Variants in DENND1C observed in about 807,000 individuals in gnomAD.
DENND1C encodes the protein DENN domain containing 1C, also known as DENN domain-containing protein 1C.
In DENND1C, 64 loss-of-function variants were observed where a neutral mutation model predicts 87.9. That is an observed-to-expected ratio of 0.73 (90% CI 0.60 to 0.90). DENND1C has a LOEUF of 0.90. Ranked by LOEUF, DENND1C falls within the 40% of genes least tolerant of loss-of-function variation. The probability of loss-of-function intolerance (pLI) is 0.00; values close to 1 mark genes in which losing one functional copy is unlikely to be tolerated. For synonymous variants in DENND1C, 384 were observed against 424.4 expected (o/e 0.90, Z 1.17); for missense variants, 980 against 1,037.0 (o/e 0.95, Z 0.76).
At chr19:6,473,019 C>G (rs1289188757) in intron 14 of DENND1C, 26 bp from the exon 15 acceptor site, 1 of 1,471,804 alleles carries the variant, frequency 6.8e-7, no homozygotes, top group Non-Finnish European at 9.0e-7. Flanking sequence ...GAGTTCTGAG[C>G]TCCCTGGGGT....
At position 6,471,276 on chromosome 19, in the gene DENND1C, C is replaced by T. The variant is rs371502122; in HGVS notation, c.1279G>A (p.Asp427Asn). 6.3e-5 allele frequency: 100 copies of T among 1,592,252 alleles called. No homozygotes were observed. The highest frequency in any genetic ancestry group is 1.6e-4 in the Admixed American group (9 of 56,166). Residue 427 changes from aspartate to asparagine, a missense_variant, in exon 17 of 23, where the codon GAC becomes AAC. Asp to Asn is a conservative substitution (Grantham distance 23). Transcript: ENST00000381480. ...TCTGGTGGTCTTACCTTTAGATTGT[C>T]GGCCCAGAGCTGATAGGATCGAAGG... ...GALRSYQLWA[D>N]NLKKGGGALL...
At chr19:6,479,519 G>T in intron 4 of DENND1C, 150 bp downstream of exon 4, 1 of 946,044 alleles carries the variant, frequency 1.1e-6, no homozygotes, top group Non-Finnish European at 1.6e-6. Flanking sequence ...TAGGTCCCTA[G>T]TTCTCAGGGC....
intron 18 of DENND1C, 192 bp from the exon 19 acceptor site, chr19:6,469,832 C>T (rs2092817941): frequency 1.7e-6 from 1 of 596,684 alleles, no homozygotes. Context: ...AATGAGTATT[C>T]CTGGAGGCAG....
intron 6 of DENND1C, 29 bp from the exon 7 acceptor site, chr19:6,477,487 G>T: frequency 6.3e-7 from 1 of 1,583,384 alleles, no homozygotes; most frequent in Non-Finnish European, 8.7e-7. Context: ...GGCGGGGGTG[G>T]CTGAGCCAGA....
At position 6,467,851 on chromosome 19, in the gene DENND1C, G is replaced by A. The variant is rs2092804399; in HGVS notation, c.2059C>T (p.His687Tyr). Residue 687 changes from histidine (H) to tyrosine (Y), a missense_variant, in exon 23 of 23, where the codon CAC becomes TAC. Physicochemically the swap from His to Tyr is moderately conservative, Grantham distance 83 (BLOSUM62 2). Transcript: ENST00000381480. Reference sequence around the variant, plus strand: ...GCTGTAGAATCTTCAGCTGCCTTGTGGGAAGGGGTGAGATGAAGAATTAGG... The same window carrying A: ...GCTGTAGAATCTTCAGCTGCCTTGTAGGAAGGGGTGAGATGAAGAATTAGG... ...EPLILHLTPS[H>Y]KAAEDSTAQE... is the part of the protein sequence containing the mutation. 1.3e-6 allele frequency: 2 copies of A among 1,590,908 alleles called. No homozygotes were observed. The highest frequency in any genetic ancestry group is 2.2e-5 in the East Asian group (1 of 44,674).
chr19:6,472,884 C>A lies in DENND1C; in HGVS notation c.1158+5G>T, dbSNP rs775380965. 17 of 1,539,466 alleles carry A rather than the reference C, an allele frequency of 1.1e-5. No homozygotes were observed. Among genetic ancestry groups the A allele is most frequent in the East Asian group, 2.4e-5 (1 of 42,020 alleles). On this transcript the variant is annotated splice_donor_5th_base_variant and intron_variant, in intron 15 of 22. Transcript: ENST00000381480. ...CCCAGCTGGACCCTCAGGGCTCTGG[C>A]ATACCTGTTTGAACAGCTGCAGGTG... is the stretch of plus-strand genomic sequence containing the variant.
intron 19 of DENND1C, 126 bp from the exon 20 acceptor site, chr19:6,469,079 T>G (rs1181018000): frequency 3.8e-6 from 2 of 533,050 alleles, no homozygotes; most frequent in Non-Finnish European, 6.0e-6. Context: ...TTGCCCAGGC[T>G]GGAGTGCAGT....
intron 6 of DENND1C, among the ~76,000 whole-genome samples, chr19:6,478,307 G>A (rs560897152): frequency 2.0e-5 from 3 of 152,070 alleles, no homozygotes; most frequent in Non-Finnish European, 4.4e-5. Context: ...GCAATGGCGC[G>A]ATCTCGGCTC....
intron 4 of DENND1C, among the ~76,000 whole-genome samples, chr19:6,479,431 G>GGTTCCTGA (rs927298402): frequency 7.0e-6 from 1 of 141,992 alleles, no homozygotes; most frequent in African/African-American, 3.0e-5. Context: ...TGAGTCCCTG[G>GGTTCCTGA]GTCCCTGGGT....
intron 1 of DENND1C, 44 bp downstream of exon 1, chr19:6,481,635 C>T (rs1913574407): frequency 6.2e-7 from 1 of 1,611,806 alleles, no homozygotes. Context: ...CAGGCCTGGC[C>T]CGGGAATCTT....
Position 6,475,579 on chromosome 19 carries a change from G to C in DENND1C, c.832C>G (p.Arg278Gly), listed in dbSNP as rs202052515. Reference sequence around the variant, plus strand: ...ACGACGTCCTCCAGGGCTTTTTCTCGTACTCTCTGCGGAAAAGCGGGGTCG... The same window carrying C: ...ACGACGTCCTCCAGGGCTTTTTCTCCTACTCTCTGCGGAAAAGCGGGGTCG... ...GVHASLAERV[R>G]EKALEDVVVL... Residue 278 changes from arginine (R) to glycine (G), a missense_variant, in exon 13 of 23, where the codon CGA becomes GGA. Coordinates refer to ENST00000381480, the MANE Select transcript of DENND1C (RefSeq NM_024898.4). 1.6e-4 allele frequency: 263 copies of C among 1,613,938 alleles called. No individual in the cohort carries two copies. Among genetic ancestry groups the C allele is most frequent in the Middle Eastern group, 8.2e-4 (5 of 6,062 alleles).
Position 6,472,949 on chromosome 19 carries a change from C to G in DENND1C, c.1098G>C (p.Lys366Asn). The G allele has an allele frequency of 6.3e-7, 1 of 1,590,166 alleles. No individual in the cohort carries two copies. Among genetic ancestry groups the G allele is most frequent in the Non-Finnish European group, 8.6e-7 (1 of 1,169,350 alleles). The change falls in exon 15 of 23, where the codon AAG becomes AAC. Residue 366 changes from lysine (K) to asparagine (N), a missense_variant. Coordinates refer to ENST00000381480, the MANE Select transcript of DENND1C (RefSeq NM_024898.4). The stretch of plus-strand genomic sequence containing the variant: ...GGAAGGCCTGCAGAGGTGCCCCAGG[C>G]TTCTGGGCCAAGAAGACTTCCTCAC... Reference protein sequence around the residue: ...TFSEEVFLAQKPGAPLQAFHR... With the variant: ...TFSEEVFLAQNPGAPLQAFHR...
At chr19:6,480,350 T>A in intron 1 of DENND1C, 1 of 1,325,974 alleles carries the variant, frequency 7.5e-7, no homozygotes, top group Non-Finnish European at 9.7e-7. Context: ...TGTGATCCTG[T>A]CTGCTGTCTG....
chr19:6,471,602 C>A, intron 15 of DENND1C, 106 bp from the exon 16 acceptor site: 1 of 992,988 alleles, frequency 1.0e-6, no homozygotes, highest in South Asian at 1.9e-5. Flanking sequence ...TGGCCTCCAA[C>A]CTGCCCACCC....
At position 6,478,923 on chromosome 19, in the gene DENND1C, C is replaced by G. The variant is rs1599391158; in HGVS notation, c.296+14G>C. The G allele has an allele frequency of 1.4e-5, 23 of 1,613,850 alleles. No individual in the cohort carries two copies. The highest frequency in any genetic ancestry group is 1.9e-5 in the Non-Finnish European group (23 of 1,179,884). ...GCCTTTCCCATCCCCCCCTCCAACC[C>G]CCATATCCCGCACCTGAGGATGCAG... On this transcript the variant is annotated intron_variant, in intron 5 of 22. Transcript: ENST00000381480.
chr19:6,473,751 G>A (rs1468933779), intron 14 of DENND1C, among the ~76,000 whole-genome samples: 2 of 146,866 alleles, frequency 1.4e-5, no homozygotes, highest in Non-Finnish European at 3.0e-5. Flanking sequence ...TCACCGACCC[G>A]GCTGATTTAA....
Position 6,467,385 on chromosome 19 carries a change from G to A in DENND1C, c.*119C>T, listed in dbSNP as rs2092800873. 3.0e-6 allele frequency: 4 copies of A among 1,336,940 alleles called. No homozygotes were observed. Among genetic ancestry groups the A allele is most frequent in the Admixed American group, 2.7e-5 (1 of 36,516 alleles). 82.8% of individuals were successfully genotyped at this position (1,336,940 alleles called of 1,614,324 possible). A position where few individuals can be genotyped will look rare whatever the true frequency, so the allele number is the denominator to read the frequency against. ...GCTGCCCTTGGAGGGACAGAGGTGG[G>A]TGGGATGGATTTCCGAGCAGAGTGA... On this transcript the variant is annotated 3_prime_UTR_variant, in exon 23 of 23. Coordinates refer to ENST00000381480, the MANE Select transcript of DENND1C (RefSeq NM_024898.4).
intron 10 of DENND1C, 104 bp from the exon 11 acceptor site, chr19:6,476,041 A>C: frequency 9.5e-7 from 1 of 1,057,488 alleles, no homozygotes; most frequent in Non-Finnish European, 1.3e-6. Context: ...CCCCCTCCCC[A>C]TCCACTGCTG....
chr19:6,478,613 G>A (rs940017213), intron 6 of DENND1C, among the ~76,000 whole-genome samples, 170 bp downstream of exon 6: 1 of 151,926 alleles, frequency 6.6e-6, no homozygotes, highest in Non-Finnish European at 1.5e-5. Flanking sequence ...AGCTGGTCTC[G>A]AACTCCAGGG....
Sources: gnomAD v4.1 joint callset for allele counts (sites outside exome capture counted in the v4.1 genomes callset) on GRCh38, gnomAD v4.1.1 for gene constraint, MANE v1.5 for transcripts, NCBI Gene and HGNC (gene_info 2026-07-23, HGNC 2026-07-21) for gene names.